WDR7: variants seen among roughly 807,000 people sequenced by gnomAD.
The protein encoded by WDR7 is WD repeat-containing protein 7.
In WDR7, 46 loss-of-function variants were observed where a neutral mutation model predicts 169.4. The ratio of observed to expected loss-of-function variants is 0.27; its 90% CI spans 0.21 to 0.35. WDR7 has a LOEUF of 0.35. Among genes scored for constraint, WDR7 ranks in the 10% least tolerant of loss-of-function variants. The pLI is 1.00. For missense variants in WDR7, 1,534 were observed against 1,859.3 expected, an observed-to-expected ratio of 0.83 and a Z score of 3.22; for synonymous variants, 612 against 666.8, an observed-to-expected ratio of 0.92 and a Z score of 1.27.
At chr18:56,800,208 A>G (rs1303824985) in intron 19 of WDR7, among the ~76,000 whole-genome samples, 1 of 152,150 alleles carries the variant, frequency 6.6e-6, no homozygotes, top group African/African-American at 2.4e-5. Context: ...CCCTTACTTA[A>G]TTCAACTTTT....
intron 21 of WDR7, among the ~76,000 whole-genome samples, chr18:56,914,641 G>C (rs1032706029): frequency 6.6e-6 from 1 of 152,116 alleles, no homozygotes; most frequent in Non-Finnish European, 1.5e-5. Flanking sequence ...GATTCAGTAG[G>C]TTAATGGATT....
At chr18:56,773,774 A>G (rs902544515) in intron 16 of WDR7, among the ~76,000 whole-genome samples, 2 of 152,136 alleles carry the variant, frequency 1.3e-5, no homozygotes, top group African/African-American at 4.8e-5. Flanking sequence ...AAAAAGCCAA[A>G]TGTTGCTCTA....
Position 56,794,781 on chromosome 18 carries a change from A to G in WDR7, c.3190+13125A>G, listed in dbSNP as rs1313774760. On this transcript the variant is annotated intron_variant, in intron 19 of 27. Coordinates refer to ENST00000254442, the MANE Select transcript of WDR7 (RefSeq NM_015285.3). ...TTAGGATTCAAATAAAAGTTCATAT[A>G]TAACAGTTGGCTAACATGTTGCATA... Among the ~76,000 whole-genome samples, 47 of 152,200 alleles carry G rather than the reference A, an allele frequency of 3.1e-4. 1 individual carries two copies. Among genetic ancestry groups the G allele is most frequent in the Non-Finnish European group, 6.0e-4 (41 of 68,032 alleles).
chr18:56,657,626 C>T (rs1439416959), intron 1 of WDR7, among the ~76,000 whole-genome samples: 1 of 152,214 alleles, frequency 6.6e-6, no homozygotes, highest in Non-Finnish European at 1.5e-5. Flanking sequence ...AGGACATGTT[C>T]TCACTGACAG....
rs188010805 is a variant in WDR7, at chr18:56,998,937, G to A, written c.4165-21808G>A. On this transcript the variant is annotated intron_variant, in intron 26 of 27. Coordinates refer to ENST00000254442, the MANE Select transcript of WDR7 (RefSeq NM_015285.3). ...CAAGTTCTTGATGGTACATCGTAGCGCTTAATAGCTGAAGAAAACAAGCTT... is the reference window on the plus strand; with the variant it reads ...CAAGTTCTTGATGGTACATCGTAGCACTTAATAGCTGAAGAAAACAAGCTT... Among the ~76,000 whole-genome samples, 264 of 152,276 alleles carry A rather than the reference G, an allele frequency of 1.7e-3. 2 individuals carry two copies. The highest frequency in any genetic ancestry group is 6.8e-3 in the Middle Eastern group (2 of 294).
At chr18:56,833,270 G>A (rs2045344780) in intron 20 of WDR7, among the ~76,000 whole-genome samples, 1 of 151,862 alleles carries the variant, frequency 6.6e-6, no homozygotes, top group African/African-American at 2.4e-5. Flanking sequence ...GAAATAAATT[G>A]TGAAGGCAAG....
chr18:56,993,393 A>T (rs1199724032), intron 26 of WDR7, among the ~76,000 whole-genome samples: 1 of 152,188 alleles, frequency 6.6e-6, no homozygotes, highest in Non-Finnish European at 1.5e-5. Flanking sequence ...TTTTGGAATG[A>T]TGCCATCTGC....
rs618493 is a variant in WDR7, at chr18:56,667,135, T to C, written c.-19-5362T>C. Among the ~76,000 whole-genome samples, 9 of 152,138 alleles carry C rather than the reference T, an allele frequency of 5.9e-5. 1 individual carries two copies. Among genetic ancestry groups the C allele is most frequent in the Non-Finnish European group, 8.8e-5 (6 of 68,022 alleles). On this transcript the variant is annotated intron_variant, in intron 1 of 27. Coordinates refer to ENST00000254442, the MANE Select transcript of WDR7 (RefSeq NM_015285.3). The stretch of plus-strand genomic sequence containing the variant: ...AGACCAGATTCCTCTTTAGCGTCAT[T>C]GCACTCTCTTTCCTTCCTCTGCCTC...
At chr18:56,895,733 A>G (rs185890901) in intron 21 of WDR7, among the ~76,000 whole-genome samples, 116 of 152,004 alleles carry the variant, frequency 7.6e-4, no homozygotes, top group Non-Finnish European at 6.3e-4. Context: ...TTAAAAATGA[A>G]GAGAAAAAAA....
intron 26 of WDR7, among the ~76,000 whole-genome samples, chr18:56,987,747 T>C (rs2047745253): frequency 6.6e-6 from 1 of 152,220 alleles, no homozygotes; most frequent in African/African-American, 2.4e-5. Context: ...ATTTTTTGTC[T>C]CTGGTTTCAG....
At position 56,843,317 on chromosome 18, in the gene WDR7, C is replaced by T. The variant is rs549444329; in HGVS notation, c.3304+27173C>T. Among the ~76,000 whole-genome samples the T allele has an allele frequency of 3.3e-5, 5 of 152,242 alleles. No individual in the cohort carries two copies. The South Asian group carries it at 8.3e-4, about 25-fold the overall frequency. ...TCAGCCATCACCACCAATCGTTCTC[C>T]GAAACTTTTTCATCTTCTCAAAGTG... On this transcript the variant is annotated intron_variant, in intron 20 of 27. Coordinates refer to ENST00000254442, the MANE Select transcript of WDR7 (RefSeq NM_015285.3).
At chr18:56,843,965 C>G (rs1446427847) in intron 20 of WDR7, among the ~76,000 whole-genome samples, 1 of 150,858 alleles carries the variant, frequency 6.6e-6, no homozygotes, top group Non-Finnish European at 1.5e-5. Context: ...CAGGTTCAAG[C>G]AATTGTCCTG....
At chr18:57,021,886 A>G (rs1240806790) in intron 27 of WDR7, among the ~76,000 whole-genome samples, 1 of 152,246 alleles carries the variant, frequency 6.6e-6, no homozygotes, top group South Asian at 2.1e-4. Context: ...GAAAAAATCA[A>G]TAGGTAATAA....
intron 1 of WDR7, among the ~76,000 whole-genome samples, chr18:56,665,238 A>G (rs571779886): frequency 3.5e-4 from 53 of 151,702 alleles, no homozygotes; most frequent in African/African-American, 1.3e-3. Context: ...GGTTGCAATG[A>G]GCCGAGATTG....
intron 20 of WDR7, among the ~76,000 whole-genome samples, chr18:56,830,729 T>C (rs1257278777): frequency 6.6e-6 from 1 of 152,192 alleles, no homozygotes; most frequent in African/African-American, 2.4e-5. Context: ...TTTTTTGAGA[T>C]GGAGTCTCGC....
At chr18:56,944,315 C>G (rs754683755) in intron 25 of WDR7, among the ~76,000 whole-genome samples, 7 of 151,986 alleles carry the variant, frequency 4.6e-5, no homozygotes, top group Non-Finnish European at 1.0e-4. Flanking sequence ...TCATGTGCAC[C>G]TGGGTTTTCA....
intron 20 of WDR7, among the ~76,000 whole-genome samples, chr18:56,857,844 G>A (rs781718889): frequency 4.6e-5 from 7 of 152,102 alleles, no homozygotes; most frequent in Non-Finnish European, 7.4e-5. Context: ...AGCCCAAAAC[G>A]CTGTGTAGAG....
intron 1 of WDR7, among the ~76,000 whole-genome samples, chr18:56,664,503 CA>C (rs1183198967): frequency 6.9e-6 from 1 of 145,506 alleles, no homozygotes; most frequent in African/African-American, 2.5e-5. Context: ...AAGATTTTTG[CA>C]GAGTTCAGAA....
intron 26 of WDR7, among the ~76,000 whole-genome samples, chr18:57,016,258 G>C (rs1032484426): frequency 2.0e-5 from 3 of 152,022 alleles, no homozygotes; most frequent in Non-Finnish European, 4.4e-5. Context: ...TTCAGTCCAC[G>C]CTCGTGCATT....
Sources: allele counts gnomAD v4.1 joint callset (sites outside exome capture counted in the v4.1 genomes callset), GRCh38; gene constraint gnomAD v4.1.1; transcripts MANE v1.5; gene names NCBI Gene and HGNC (gene_info 2026-07-23, HGNC 2026-07-21).